Variants in SPPL3 observed in about 807,000 individuals in gnomAD.
The protein encoded by SPPL3 is signal peptide peptidase like 3, also known as signal peptide peptidase-like 3.
In SPPL3, 5 loss-of-function variants were observed where a neutral mutation model predicts 42.4. The ratio of observed to expected loss-of-function variants is 0.12; its 90% CI spans 0.06 to 0.25. The LOEUF is 0.25. SPPL3 is among the 10% of genes least tolerant of loss of function. SPPL3 has a pLI of 1.00. For synonymous variants in SPPL3, 195 were observed against 181.8 expected (o/e 1.07, Z -0.58); for missense variants, 235 against 489.0 (o/e 0.48, Z 4.90).
rs969494757 is a variant in SPPL3 at position 120,803,505 on chromosome 12, ATTTT to A, written c.101+7300_101+7303del. 2.6e-5 allele frequency among the ~76,000 whole-genome samples: 4 copies of A among 152,200 alleles called. No individual in the cohort carries two copies. The East Asian group carries it at 7.7e-4, about 29-fold the overall frequency. On this transcript the variant is annotated intron_variant, in intron 2 of 10. Coordinates refer to ENST00000353487, the MANE Select transcript of SPPL3 (RefSeq NM_139015.5). The stretch of plus-strand genomic sequence containing the variant: ...AATTGGAATTTTTAACCTTAACATT[ATTTT>A]TTTCTCAGCTCCAGAAAGGAGTGAA...
At chr12:120,802,431 A>ATATTTTT (rs1312190815) in intron 2 of SPPL3, among the ~76,000 whole-genome samples, 1 of 105,160 alleles carries the variant, frequency 9.5e-6, no homozygotes, top group African/African-American at 4.6e-5. Context: ...ATATATATAT[A>ATATTTTT]TTTTTTTTTT....
At chr12:120,849,110 T>G (rs932630022) in intron 1 of SPPL3, among the ~76,000 whole-genome samples, 10 of 152,076 alleles carry the variant, frequency 6.6e-5, no homozygotes, top group African/African-American at 2.4e-4. Flanking sequence ...AAGGCTGCAG[T>G]GAGCTATAAT....
chr12:120,792,126 T>TG (rs1364126864), intron 2 of SPPL3, among the ~76,000 whole-genome samples: 1 of 152,168 alleles, frequency 6.6e-6, no homozygotes, highest in African/African-American at 2.4e-5. Flanking sequence ...ATACATAGCG[T>TG]GTTCATGGCA....
chr12:120,883,831 G>C (rs1873364221), intron 1 of SPPL3, among the ~76,000 whole-genome samples: 1 of 152,224 alleles, frequency 6.6e-6, no homozygotes. Flanking sequence ...GCCGGGCGTG[G>C]TGGCTCATGC....
chr12:120,764,970 G>A lies in SPPL3; in HGVS notation c.*29C>T, dbSNP rs550884116. 36 of 1,609,218 alleles carry A rather than the reference G, an allele frequency of 2.2e-5. No individual in the cohort carries two copies. In the African/African-American group the frequency reaches 4.4e-4, roughly 20 times the overall value. ...TGAGTTGAGAGAAAAGGACTATGAC[G>A]GCCATCTGGTCACTTTCCACGTGAT... On this transcript the variant is annotated 3_prime_UTR_variant, in exon 11 of 11. Coordinates refer to ENST00000353487, the MANE Select transcript of SPPL3 (RefSeq NM_139015.5).
rs900987180 is a variant in SPPL3, at chr12:120,904,154, G to A, written c.-287C>T. On this transcript the variant is annotated 5_prime_UTR_variant, in exon 1 of 11. Coordinates refer to ENST00000353487, the MANE Select transcript of SPPL3 (RefSeq NM_139015.5). ...GCAGCTCCAAACCCAACATGGCGGC[G>A]GCGGCGGCGCGGAGAACAAGGGGGC... The A allele has an allele frequency of 3.8e-5, 11 of 290,308 alleles. No individual in the cohort carries two copies. The highest frequency in any genetic ancestry group is 6.3e-5 in the Non-Finnish European group (10 of 158,208). 18.0% of individuals were successfully genotyped at this position (290,308 alleles called of 1,614,324 possible).
chr12:120,893,140 A>T (rs1873696021), intron 1 of SPPL3, among the ~76,000 whole-genome samples: 1 of 151,874 alleles, frequency 6.6e-6, no homozygotes, highest in South Asian at 2.1e-4. Context: ...GAAATCTCTA[A>T]ACTGAAACTA....
intron 1 of SPPL3, among the ~76,000 whole-genome samples, chr12:120,872,137 T>A (rs1484482166): frequency 2.6e-5 from 4 of 152,252 alleles, no homozygotes; most frequent in Non-Finnish European, 2.9e-5. Context: ...TTTATCATTG[T>A]ATTGTTATTA....
chr12:120,800,758 TAAGA>T (rs1185929548), intron 2 of SPPL3, among the ~76,000 whole-genome samples: 1 of 152,130 alleles, frequency 6.6e-6, no homozygotes, highest in South Asian at 2.1e-4. Flanking sequence ...GAACCTACAC[TAAGA>T]AAGAAAGACT....
chr12:120,788,824 G>A (rs683437), intron 3 of SPPL3, among the ~76,000 whole-genome samples: 121,794 of 152,150 alleles, frequency 0.8, 49,398 homozygotes, highest in African/African-American at 0.92. Context: ...CTTCTCCCCA[G>A]TTGTTCCACA....
chr12:120,878,094 C>T (rs1873163214), intron 1 of SPPL3, among the ~76,000 whole-genome samples: 2 of 151,220 alleles, frequency 1.3e-5, no homozygotes, highest in African/African-American at 4.9e-5. Flanking sequence ...ATTGTAAAGG[C>T]CAAAATAAAA....
chr12:120,883,020 A>G (rs921336838), intron 1 of SPPL3, among the ~76,000 whole-genome samples: 1 of 152,108 alleles, frequency 6.6e-6, no homozygotes, highest in Non-Finnish European at 1.5e-5. Flanking sequence ...ACTTAATTCT[A>G]GAGGCCGGGC....
At chr12:120,785,859 TC>T (rs1212686150) in intron 3 of SPPL3, among the ~76,000 whole-genome samples, 1 of 141,384 alleles carries the variant, frequency 7.1e-6, no homozygotes, top group African/African-American at 2.6e-5. Flanking sequence ...AGCCTGTAGT[TC>T]CAGCTACTTG....
intron 1 of SPPL3, among the ~76,000 whole-genome samples, chr12:120,836,153 A>G (rs1460770593): frequency 6.6e-6 from 1 of 151,990 alleles, no homozygotes; most frequent in African/African-American, 2.4e-5. Flanking sequence ...ATCTCTGCAT[A>G]TATCTGCTAC....
At chr12:120,792,537 T>C (rs1175087851) in intron 2 of SPPL3, among the ~76,000 whole-genome samples, 1 of 151,816 alleles carries the variant, frequency 6.6e-6, no homozygotes, top group Non-Finnish European at 1.5e-5. Flanking sequence ...CCGTTTCTAC[T>C]AAAAATACAA....
At position 120,894,324 on chromosome 12, in the gene SPPL3, C is replaced by CA. The variant is rs772451150; in HGVS notation, c.23+9520dup. Among the ~76,000 whole-genome samples the CA allele has an allele frequency of 2.9e-3, 441 of 152,070 alleles. 2 individuals are homozygous for CA. The highest frequency in any genetic ancestry group is 3.3e-3 in the Non-Finnish European group (225 of 67,990). On this transcript the variant is annotated intron_variant, in intron 1 of 10. Coordinates refer to ENST00000353487, the MANE Select transcript of SPPL3 (RefSeq NM_139015.5). Reference sequence around the variant, plus strand: ...GGGCAACAAGACCGAAACTCCATCTCAAAAACAAACAAACAAAAAAGAAAT... The same window carrying CA: ...GGGCAACAAGACCGAAACTCCATCTCAAAAAACAAACAAACAAAAAAGAAAT...
chr12:120,812,170 T>A (rs1428511809), intron 1 of SPPL3, among the ~76,000 whole-genome samples: 1 of 151,682 alleles, frequency 6.6e-6, no homozygotes, highest in East Asian at 1.9e-4. Flanking sequence ...AGTCTTGCTC[T>A]GTTACCCAGT....
chr12:120,823,367 C>T (rs1437188538), intron 1 of SPPL3, among the ~76,000 whole-genome samples: 2 of 152,072 alleles, frequency 1.3e-5, no homozygotes, highest in Middle Eastern at 6.3e-3. Flanking sequence ...ATCCCCAGCA[C>T]TCCATGGAAT....
intron 2 of SPPL3, among the ~76,000 whole-genome samples, chr12:120,802,092 G>A (rs932773865): frequency 4.6e-5 from 7 of 152,034 alleles, no homozygotes; most frequent in African/African-American, 1.7e-4. Context: ...CAGAACTTTA[G>A]GAAATCAACT....
Sources: allele counts gnomAD v4.1 joint callset (sites outside exome capture counted in the v4.1 genomes callset), GRCh38; gene constraint gnomAD v4.1.1; transcripts MANE v1.5; gene names NCBI Gene and HGNC (gene_info 2026-07-23, HGNC 2026-07-21).